The following FAM81B variants were observed in gnomAD, a reference collection of about 807,000 sequenced individuals.
FAM81B encodes family with sequence similarity 81 member B.
In FAM81B, 60 loss-of-function variants were observed where a neutral mutation model predicts 58.7. The ratio of observed to expected loss-of-function variants is 1.02; its 90% CI spans 0.83 to 1.27. The LOEUF (loss-of-function observed/expected upper bound fraction) is 1.27, where lower values mean the gene tolerates loss of function less well. Ranked by LOEUF, FAM81B falls within the 50% of genes most tolerant of loss-of-function variation. The probability of loss-of-function intolerance (pLI) is 0.00; values close to 1 mark genes in which losing one functional copy is unlikely to be tolerated. For synonymous variants in FAM81B, 189 were observed against 179.6 expected (o/e 1.05, Z -0.42); for missense variants, 491 against 522.0 (o/e 0.94, Z 0.58).
At chr5:95,443,884 A>G (rs1745456148) in intron 7 of FAM81B, among the ~76,000 whole-genome samples, 1 of 152,176 alleles carries the variant, frequency 6.6e-6, no homozygotes, top group African/African-American at 2.4e-5. Flanking sequence ...TTACATGGGC[A>G]TACTTAATGT....
At chr5:95,404,013 A>G (rs1254892319) in intron 3 of FAM81B, among the ~76,000 whole-genome samples, 3 of 152,308 alleles carry the variant, frequency 2.0e-5, no homozygotes, top group African/African-American at 2.4e-5. Context: ...GGAGAAAACA[A>G]TTTCTAAATT....
At chr5:95,449,089 A>C (rs1421782387) in intron 9 of FAM81B, among the ~76,000 whole-genome samples, 1 of 152,162 alleles carries the variant, frequency 6.6e-6, no homozygotes, top group African/African-American at 2.4e-5. Context: ...ATTCTGAGGG[A>C]ATTACCAGGA....
chr5:95,413,261 C>T (rs1277034422), intron 3 of FAM81B, among the ~76,000 whole-genome samples: 3 of 152,172 alleles, frequency 2.0e-5, no homozygotes, highest in Non-Finnish European at 4.4e-5. Flanking sequence ...GACTCACACA[C>T]TAATCTCCTC....
intron 7 of FAM81B, among the ~76,000 whole-genome samples, chr5:95,444,312 T>C (rs765840279): frequency 2.0e-5 from 3 of 152,194 alleles, no homozygotes; most frequent in Non-Finnish European, 4.4e-5. Flanking sequence ...GTGGAGGAGA[T>C]AGAACACAAA....
At chr5:95,413,669 T>A in intron 3 of FAM81B, among the ~76,000 whole-genome samples, 1 of 152,162 alleles carries the variant, frequency 6.6e-6, no homozygotes, top group East Asian at 1.9e-4. Context: ...AAGGGGTATA[T>A]AAAGGCGTCA....
chr5:95,448,803 T>C (rs1174616356), intron 9 of FAM81B: 1 of 442,932 alleles, frequency 2.3e-6, no homozygotes, highest in South Asian at 1.7e-5. Flanking sequence ...GTGGGTATGT[T>C]ATGAAATTAA....
rs1762921435 is a variant in FAM81B at position 95,428,814 on chromosome 5, G to A, written c.786+82G>A. 3.8e-6 allele frequency: 6 copies of A among 1,576,616 alleles called. No individual in the cohort carries two copies. In the Admixed American group the frequency reaches 1.1e-4, roughly 28 times the overall value. ...ATAGCTTATCAAAATGCCCAATCAG[G>A]TGGTAATTTTTTAAGAGAACTCTTT... is the stretch of plus-strand genomic sequence containing the variant. On this transcript the variant is annotated intron_variant, in intron 6 of 9. Coordinates refer to ENST00000283357, the MANE Select transcript of FAM81B (RefSeq NM_152548.3).
At position 95,431,603 on chromosome 5, in the gene FAM81B, G is replaced by A. The variant is rs553136510; in HGVS notation, c.786+2871G>A. Among the ~76,000 whole-genome samples, 6 of 152,032 alleles carry A rather than the reference G, an allele frequency of 3.9e-5. No individual in the cohort carries two copies. In the South Asian group the frequency reaches 1.2e-3, roughly 32 times the overall value. On this transcript the variant is annotated intron_variant, in intron 6 of 9. Transcript: ENST00000283357. The stretch of plus-strand genomic sequence containing the variant: ...AGTGTTCTATCCAAGAATGTAGTGT[G>A]CTTCCCATTTGTCTGAGTTTGCTTT...
intron 6 of FAM81B, among the ~76,000 whole-genome samples, chr5:95,430,402 G>A (rs1486550505): frequency 4.1e-5 from 6 of 147,378 alleles, no homozygotes; most frequent in Admixed American, 4.1e-4. Flanking sequence ...TATAGTATAT[G>A]TAAATAAATA....
intron 3 of FAM81B, among the ~76,000 whole-genome samples, chr5:95,407,386 T>C (rs1157097821): frequency 7.2e-6 from 1 of 139,844 alleles, no homozygotes; most frequent in African/African-American, 2.7e-5. Flanking sequence ...ATGCCTGTTC[T>C]CTTTTACACA....
At chr5:95,404,867 A>G (rs1416639235) in intron 3 of FAM81B, among the ~76,000 whole-genome samples, 1 of 152,240 alleles carries the variant, frequency 6.6e-6, no homozygotes, top group Non-Finnish European at 1.5e-5. Context: ...TTTCTAGAAG[A>G]TAAAATGGGG....
chr5:95,439,236 GTA>G (rs577076287), intron 7 of FAM81B, among the ~76,000 whole-genome samples: 7,326 of 105,094 alleles, frequency 0.07, 692 homozygotes, highest in African/African-American at 0.22. Flanking sequence ...AGGTTAAAGA[GTA>G]TATATATATA....
intron 6 of FAM81B, among the ~76,000 whole-genome samples, chr5:95,432,128 G>A (rs546713846): frequency 1.9e-4 from 29 of 152,030 alleles, no homozygotes; most frequent in Middle Eastern, 3.4e-3. Context: ...AATCAAAAAC[G>A]ATTATTGAAT....
chr5:95,392,075 C>T (rs1456337054), intron 1 of FAM81B, among the ~76,000 whole-genome samples: 1 of 152,130 alleles, frequency 6.6e-6, no homozygotes, highest in East Asian at 1.9e-4. Flanking sequence ...CAGCACTGTT[C>T]ACAATAGCAA....
chr5:95,441,378 G>C (rs1582828348), intron 7 of FAM81B, among the ~76,000 whole-genome samples: 1 of 152,190 alleles, frequency 6.6e-6, no homozygotes, highest in East Asian at 1.9e-4. Flanking sequence ...AGACCATCCT[G>C]GCCAGCATAG....
Position 95,391,482 on chromosome 5 carries a change from TA to T in FAM81B, c.96del (p.Ala33LeufsTer7). On this transcript the variant is annotated frameshift_variant, in exon 1 of 10. Coordinates refer to ENST00000283357, the MANE Select transcript of FAM81B (RefSeq NM_152548.3). LOFTEE classifies it high-confidence loss of function. ...TCAAAAATATCAAATCTACAAAAAA[TA>T]AAGCTGGAAAAGCAAGCATCATGAG... ...FFKNIKSTKNKAGKASIMSSD... is the reference protein window; with the variant it reads ...FFKNIKSTKNXAGKASIMSSD... 6.2e-7 allele frequency: 1 copy of T among 1,613,520 alleles called. No individual in the cohort carries two copies. The highest frequency in any genetic ancestry group is 8.5e-7 in the Non-Finnish European group (1 of 1,179,756).
chr5:95,444,966 G>A (rs1408830323), intron 7 of FAM81B, among the ~76,000 whole-genome samples: 1 of 152,000 alleles, frequency 6.6e-6, no homozygotes, highest in East Asian at 1.9e-4. Context: ...TCTCAGTTGT[G>A]ACAACCAAAA....
intron 6 of FAM81B, among the ~76,000 whole-genome samples, chr5:95,429,561 C>G (rs1469947661): frequency 6.6e-6 from 1 of 152,194 alleles, no homozygotes; most frequent in African/African-American, 2.4e-5. Context: ...ATAGTTTACT[C>G]TAGTCCCATC....
intron 6 of FAM81B, among the ~76,000 whole-genome samples, chr5:95,434,872 C>T (rs1561310317): frequency 1.3e-5 from 2 of 152,184 alleles, no homozygotes; most frequent in African/African-American, 2.4e-5. Flanking sequence ...TTGATTTACT[C>T]TTCGGCACTT....
Sources: allele counts gnomAD v4.1 joint callset (sites outside exome capture counted in the v4.1 genomes callset), GRCh38; gene constraint gnomAD v4.1.1; transcripts MANE v1.5; gene names NCBI Gene and HGNC (gene_info 2026-07-23, HGNC 2026-07-21).